The following RIC1 variants were observed in gnomAD, a reference collection of about 807,000 sequenced individuals.
RIC1 encodes the protein guanine nucleotide exchange factor subunit RIC1.
In RIC1, 88 loss-of-function variants were observed where a neutral mutation model predicts 169.0. The ratio of observed to expected loss-of-function variants is 0.52; its 90% CI spans 0.44 to 0.62. RIC1 has a LOEUF of 0.62. Among genes scored for constraint, RIC1 ranks in the 20% least tolerant of loss-of-function variants. The pLI is 0.00. For missense variants in RIC1, 1,877 were observed against 1,725.5 expected, an observed-to-expected ratio of 1.09 and a Z score of -1.56; for synonymous variants, 790 against 601.5, an observed-to-expected ratio of 1.31 and a Z score of -4.59.
intron 3 of RIC1, among the ~76,000 whole-genome samples, chr9:5,700,260 G>T (rs1822135496): frequency 6.6e-6 from 1 of 152,200 alleles, no homozygotes; most frequent in Non-Finnish European, 1.5e-5. Flanking sequence ...ATCTCAAATA[G>T]ATAGAAATTT....
chr9:5,651,123 T>C (rs1208464462), intron 1 of RIC1, among the ~76,000 whole-genome samples: 1 of 152,158 alleles, frequency 6.6e-6, no homozygotes, highest in Non-Finnish European at 1.5e-5. Flanking sequence ...CTGGACCCCC[T>C]CTCTGTAAGC....
At chr9:5,661,686 C>G (rs763126039) in intron 2 of RIC1, among the ~76,000 whole-genome samples, 1 of 152,160 alleles carries the variant, frequency 6.6e-6, no homozygotes, top group Non-Finnish European at 1.5e-5. Context: ...AATTTTCTAT[C>G]CTTAGACTTT....
intron 2 of RIC1, among the ~76,000 whole-genome samples, chr9:5,675,197 G>C (rs981828421): frequency 2.6e-5 from 4 of 152,186 alleles, no homozygotes; most frequent in African/African-American, 9.7e-5. Flanking sequence ...AATTTAAAGA[G>C]AGTGACTGGG....
At chr9:5,690,561 C>T (rs959586143) in intron 3 of RIC1, among the ~76,000 whole-genome samples, 1 of 128,290 alleles carries the variant, frequency 7.8e-6, no homozygotes, top group Admixed American at 7.8e-5. Flanking sequence ...GTAAAGCATT[C>T]CATCTTTTTT....
At chr9:5,636,447 G>C (rs1417907405) in intron 1 of RIC1, among the ~76,000 whole-genome samples, 1 of 152,060 alleles carries the variant, frequency 6.6e-6, no homozygotes, top group African/African-American at 2.4e-5. Context: ...AGCCTCCTGA[G>C]TAGCTGGGAT....
intron 3 of RIC1, among the ~76,000 whole-genome samples, chr9:5,706,078 A>G (rs547706188): frequency 2.0e-5 from 3 of 152,248 alleles, no homozygotes; most frequent in Non-Finnish European, 2.9e-5. Context: ...TTTTACATCT[A>G]TATTCATAAG....
In RIC1 at chr9:5,731,919, T is replaced by C. The variant is rs73641650; in HGVS notation, c.721-469T>C. 8.3e-3 allele frequency among the ~76,000 whole-genome samples: 1,259 copies of C among 152,312 alleles called. 18 individuals are homozygous for C. Among genetic ancestry groups the C allele is most frequent in the African/African-American group, 0.028 (1,152 of 41,580 alleles). ...ACCATTACACTATAAAGAAGGGAAT[T>C]GTAGAGAATAGTAAGCAATTTTGCT... On this transcript the variant is annotated intron_variant, in intron 6 of 25. Transcript: ENST00000414202.
At chr9:5,716,344 A>G (rs933695972) in intron 4 of RIC1, among the ~76,000 whole-genome samples, 6 of 152,204 alleles carry the variant, frequency 3.9e-5, no homozygotes, top group Non-Finnish European at 4.4e-5. Flanking sequence ...ACGGTGGCTC[A>G]TGCCTATAAT....
At chr9:5,699,057 C>A (rs571032805) in intron 3 of RIC1, among the ~76,000 whole-genome samples, 1 of 152,250 alleles carries the variant, frequency 6.6e-6, no homozygotes, top group African/African-American at 2.4e-5. Flanking sequence ...GCAGAGTATT[C>A]ATTTATACAA....
intron 17 of RIC1, 72 bp downstream of exon 17, chr9:5,757,523 T>G: frequency 6.6e-7 from 1 of 1,519,668 alleles, no homozygotes; most frequent in South Asian, 1.2e-5. Context: ...TATTAGGAAG[T>G]ATTTGTTTGG....
chr9:5,650,589 C>T (rs1489881074), intron 1 of RIC1, among the ~76,000 whole-genome samples: 1 of 151,970 alleles, frequency 6.6e-6, no homozygotes, highest in Non-Finnish European at 1.5e-5. Context: ...TTGCTCCAAG[C>T]AGTGTCAGGA....
At chr9:5,654,868 A>G (rs1442011725) in intron 1 of RIC1, among the ~76,000 whole-genome samples, 4 of 152,126 alleles carry the variant, frequency 2.6e-5, no homozygotes, top group African/African-American at 7.2e-5. Context: ...ATGTGTTTAT[A>G]ATGACAAATT....
chr9:5,634,619 C>G (rs1188208619), intron 1 of RIC1, among the ~76,000 whole-genome samples: 1 of 151,874 alleles, frequency 6.6e-6, no homozygotes, highest in Non-Finnish European at 1.5e-5. Flanking sequence ...GAATATTAGC[C>G]CCCTTTTAGA....
intron 2 of RIC1, among the ~76,000 whole-genome samples, chr9:5,661,123 T>G (rs1162000850): frequency 1.3e-5 from 2 of 152,192 alleles, no homozygotes; most frequent in African/African-American, 4.8e-5. Flanking sequence ...GTTTGTCAGG[T>G]TTGCTAAGAT....
At position 5,656,706 on chromosome 9, in the gene RIC1, C is replaced by G; in HGVS notation, c.252+16C>G. 2 of 1,366,898 alleles carry G rather than the reference C, an allele frequency of 1.5e-6. No homozygotes were observed. Among genetic ancestry groups the G allele is most frequent in the Non-Finnish European group, 2.1e-6 (2 of 970,872 alleles). The allele number at this position is 1,366,898 out of a possible 1,614,324, so 84.7% of individuals were successfully genotyped here. A position where few individuals can be genotyped will look rare whatever the true frequency, so the allele number is the denominator to read the frequency against. On this transcript the variant is annotated intron_variant, in intron 2 of 25. Coordinates refer to ENST00000414202, the MANE Select transcript of RIC1 (RefSeq NM_020829.4). ...AGCTGTATCAGTAAGTAGATTTTACCGCTAAATAGTGTTTTCTTATGAAAT... is the reference window on the plus strand; with the variant it reads ...AGCTGTATCAGTAAGTAGATTTTACGGCTAAATAGTGTTTTCTTATGAAAT...
At chr9:5,647,980 G>GTGA (rs1554658189) in intron 1 of RIC1, among the ~76,000 whole-genome samples, 6,839 of 126,388 alleles carry the variant, frequency 0.054, 191 homozygotes, top group Non-Finnish European at 0.072. Flanking sequence ...GGTGATGGTG[G>GTGA]TGGTGGTGGT....
At chr9:5,732,608 C>G (rs1587056591) in intron 7 of RIC1, 129 bp downstream of exon 7, 6 of 513,904 alleles carry the variant, frequency 1.2e-5, no homozygotes, top group Middle Eastern at 2.9e-4. Flanking sequence ...TATCAGTCAA[C>G]CTTAATATGA....
intron 2 of RIC1, among the ~76,000 whole-genome samples, chr9:5,669,299 C>A (rs990709291): frequency 1.3e-5 from 2 of 152,176 alleles, no homozygotes; most frequent in Non-Finnish European, 2.9e-5. Flanking sequence ...ACCCTTTTCC[C>A]TGAGTCCCCA....
intron 2 of RIC1, among the ~76,000 whole-genome samples, chr9:5,671,244 T>G (rs1028096599): frequency 6.6e-6 from 1 of 151,598 alleles, no homozygotes; most frequent in African/African-American, 2.4e-5. Context: ...GATGGCTCTC[T>G]GTATTATTTA....
Sources: gnomAD v4.1 joint callset for allele counts (sites outside exome capture counted in the v4.1 genomes callset) on GRCh38, gnomAD v4.1.1 for gene constraint, MANE v1.5 for transcripts, NCBI Gene and HGNC (gene_info 2026-07-23, HGNC 2026-07-21) for gene names.